SLC2A13: variants seen among roughly 807,000 people sequenced by gnomAD.
The protein encoded by SLC2A13 is solute carrier family 2 member 13.
In SLC2A13, 32 loss-of-function variants were observed where a neutral mutation model predicts 64.4. That is an observed-to-expected ratio of 0.50 (90% confidence interval 0.37 to 0.67). The LOEUF (loss-of-function observed/expected upper bound fraction) is 0.67, where lower values mean the gene tolerates loss of function less well. Ranked by LOEUF, SLC2A13 falls within the 30% of genes least tolerant of loss-of-function variation. SLC2A13 has a pLI of 0.00. For missense variants in SLC2A13, 743 were observed against 829.2 expected (o/e 0.90, Z 1.28); for synonymous variants, 338 against 327.1 (o/e 1.03, Z -0.36).
Position 39,867,989 on chromosome 12 carries a change from C to G in SLC2A13, c.1199-3107G>C, listed in dbSNP as rs1338948153. On this transcript the variant is annotated intron_variant, in intron 5 of 9. Transcript: ENST00000280871. ...TAAATTTTTAAGTAATCACTTAGTC[C>G]TATCATCTACTCATATACACTATTA... 5.9e-5 allele frequency among the ~76,000 whole-genome samples: 9 copies of G among 152,232 alleles called. No homozygotes were observed. In the South Asian group the frequency reaches 1.0e-3, roughly 18 times the overall value.
intron 2 of SLC2A13, among the ~76,000 whole-genome samples, chr12:40,039,749 C>G (rs1190520430): frequency 6.6e-6 from 1 of 152,170 alleles, no homozygotes; most frequent in Non-Finnish European, 1.5e-5. Flanking sequence ...CATAGCCTCC[C>G]CAATTATCAA....
chr12:39,971,983 G>GAAAAAAAA (rs1174701447), intron 3 of SLC2A13, among the ~76,000 whole-genome samples: 15 of 95,784 alleles, frequency 1.6e-4, no homozygotes, highest in East Asian at 5.4e-4. Flanking sequence ...AGTGTCTCCA[G>GAAAAAAAA]AAAAAAAAAA....
intron 1 of SLC2A13, among the ~76,000 whole-genome samples, chr12:40,096,741 T>C (rs1328071527): frequency 6.6e-6 from 1 of 151,924 alleles, no homozygotes; most frequent in African/African-American, 2.4e-5. Flanking sequence ...GTATACCCTA[T>C]ACATTATATA....
chr12:40,019,119 G>C (rs1438108703), intron 3 of SLC2A13, among the ~76,000 whole-genome samples: 1 of 152,178 alleles, frequency 6.6e-6, no homozygotes, highest in Non-Finnish European at 1.5e-5. Flanking sequence ...TACTCTGGCA[G>C]AGAGAATAAG....
chr12:39,942,520 G>T (rs1297017611), intron 4 of SLC2A13, among the ~76,000 whole-genome samples: 1 of 152,148 alleles, frequency 6.6e-6, no homozygotes, highest in Middle Eastern at 3.2e-3. Context: ...CTTGGTTGCT[G>T]TTGGTGTATA....
rs1199170880 is a variant in SLC2A13 at position 39,758,151 on chromosome 12, A to C, written c.*1875T>G. ...TTGGAAATCAATTGTTAAAGCACCT[A>C]ATTCAAGGAAAAAACCTCTATAAAA... On this transcript the variant is annotated 3_prime_UTR_variant, in exon 10 of 10. Coordinates refer to ENST00000280871, the MANE Select transcript of SLC2A13 (RefSeq NM_052885.4). 7 of 151,580 alleles carry C rather than the reference A, an allele frequency of 4.6e-5. No homozygotes were observed. The highest frequency in any genetic ancestry group is 7.4e-5 in the Non-Finnish European group (5 of 67,682). 9.4% of individuals were successfully genotyped at this position (151,580 alleles called of 1,614,324 possible). A position where few individuals can be genotyped will look rare whatever the true frequency, so the allele number is the denominator to read the frequency against.
intron 4 of SLC2A13, 152 bp downstream of exon 4, chr12:39,951,105 A>C (rs1482636700): frequency 1.8e-6 from 1 of 564,442 alleles, no homozygotes. Flanking sequence ...GAATTAAAAA[A>C]TTGTAAAGTC....
chr12:40,057,386 TA>T (rs1366589541), intron 1 of SLC2A13, among the ~76,000 whole-genome samples: 6 of 152,176 alleles, frequency 3.9e-5, no homozygotes, highest in South Asian at 2.1e-4. Flanking sequence ...AAAATTGATT[TA>T]AAAAAAATTT....
chr12:40,068,193 A>G, intron 1 of SLC2A13: 1 of 260,354 alleles, frequency 3.8e-6, no homozygotes, highest in South Asian at 3.6e-5. Context: ...TAGGGATTAC[A>G]AGGATAAACC....
At chr12:39,766,861 C>T (rs747971155) in intron 7 of SLC2A13, among the ~76,000 whole-genome samples, 2 of 152,048 alleles carry the variant, frequency 1.3e-5, no homozygotes, top group Non-Finnish European at 2.9e-5. Flanking sequence ...CTTTAGGCTT[C>T]GCTTCTACAA....
At position 39,835,082 on chromosome 12, in the gene SLC2A13, G is replaced by T. The variant is rs142814239; in HGVS notation, c.1320-4854C>A. On this transcript the variant is annotated intron_variant, in intron 6 of 9. Transcript: ENST00000280871. ...AAAAACTGAGAATTTAAATACATTG[G>T]CACAAAGTCAATGCTCATAAGAATA... Among the ~76,000 whole-genome samples, 935 of 152,048 alleles carry T rather than the reference G, an allele frequency of 6.1e-3. 11 individuals are homozygous for T. The highest frequency in any genetic ancestry group is 0.021 in the African/African-American group (884 of 41,494).
At chr12:39,992,984 T>C (rs995359592) in intron 3 of SLC2A13, among the ~76,000 whole-genome samples, 1 of 152,200 alleles carries the variant, frequency 6.6e-6, no homozygotes, top group Non-Finnish European at 1.5e-5. Flanking sequence ...ATATTTAAAA[T>C]TGACAGATAT....
At chr12:40,066,961 C>A (rs1037325831) in intron 1 of SLC2A13, among the ~76,000 whole-genome samples, 2 of 152,070 alleles carry the variant, frequency 1.3e-5, no homozygotes, top group African/African-American at 4.8e-5. Flanking sequence ...TAAATAAATT[C>A]AAAGTAAATC....
intron 7 of SLC2A13, among the ~76,000 whole-genome samples, chr12:39,767,925 C>A (rs1328613815): frequency 2.6e-5 from 4 of 152,084 alleles, no homozygotes; most frequent in Non-Finnish European, 4.4e-5. Context: ...GAGGCTTCCC[C>A]AGCCCTGCAG....
At chr12:39,815,771 T>C (rs1942321612) in intron 7 of SLC2A13, among the ~76,000 whole-genome samples, 1 of 152,302 alleles carries the variant, frequency 6.6e-6, no homozygotes, top group Middle Eastern at 3.4e-3. Context: ...AATTCTGACA[T>C]TCCCAGTCTG....
At chr12:39,904,361 G>C (rs1179154064) in intron 4 of SLC2A13, among the ~76,000 whole-genome samples, 1 of 152,114 alleles carries the variant, frequency 6.6e-6, no homozygotes, top group African/African-American at 2.4e-5. Context: ...TTTAGGAAAA[G>C]TTTTATATCA....
chr12:39,996,430 C>T (rs1206640453), intron 3 of SLC2A13, among the ~76,000 whole-genome samples: 1 of 152,164 alleles, frequency 6.6e-6, no homozygotes, highest in Non-Finnish European at 1.5e-5. Flanking sequence ...GAGGAGAAAT[C>T]CAAGCCAGCT....
intron 4 of SLC2A13, among the ~76,000 whole-genome samples, chr12:39,945,097 T>C (rs1461145821): frequency 6.6e-6 from 1 of 152,190 alleles, no homozygotes; most frequent in Non-Finnish European, 1.5e-5. Context: ...TGAAAATGAC[T>C]GTATCCTTCC....
chr12:39,840,319 G>T (rs981314448), intron 6 of SLC2A13, among the ~76,000 whole-genome samples: 1 of 151,970 alleles, frequency 6.6e-6, no homozygotes, highest in African/African-American at 2.4e-5. Context: ...GTCTTCTAAA[G>T]GGGCCTGCTT....
Sources: allele counts gnomAD v4.1 joint callset (sites outside exome capture counted in the v4.1 genomes callset), GRCh38; gene constraint gnomAD v4.1.1; transcripts MANE v1.5; gene names NCBI Gene and HGNC (gene_info 2026-07-23, HGNC 2026-07-21).